Variants in COL18A1 observed in about 807,000 individuals in gnomAD.
COL18A1 encodes collagen alpha-1(XVIII) chain.
Under a neutral mutation model 168.0 loss-of-function variants are expected in COL18A1, and 133 were observed. The observed-to-expected ratio is 0.79, with a 90% CI of 0.69 to 0.91. The LOEUF (loss-of-function observed/expected upper bound fraction) is 0.91. Ranked by LOEUF, COL18A1 falls within the 40% of genes least tolerant of loss-of-function variation. COL18A1 has a pLI of 0.00. For synonymous variants in COL18A1, 949 were observed against 809.0 expected, an observed-to-expected ratio of 1.17 and a Z score of -2.94; for missense variants, 2,126 against 1,925.4, an observed-to-expected ratio of 1.10 and a Z score of -1.95.
chr21:45,493,036 G>A (rs886704507), intron 24 of COL18A1, 127 bp from the exon 25 acceptor site: 12 of 999,226 alleles, frequency 1.2e-5, no homozygotes, highest in East Asian at 2.6e-5. Flanking sequence ...CTGGGGCCGC[G>A]AGGGGCCCTG....
chr21:45,412,054 C>T (rs1392679254), intron 2 of COL18A1, among the ~76,000 whole-genome samples: 3 of 152,136 alleles, frequency 2.0e-5, no homozygotes, highest in South Asian at 4.1e-4. Flanking sequence ...AAGGGGCCGT[C>T]GTGCTTCTCT....
At chr21:45,479,835 C>T (rs2145933657) in intron 9 of COL18A1, 67 bp from the exon 10 acceptor site, 1 of 1,606,262 alleles carries the variant, frequency 6.2e-7, no homozygotes, top group Non-Finnish European at 8.5e-7. Context: ...GGGAGGAGCA[C>T]TGAGAGTGCT....
Position 45,511,131 on chromosome 21 carries a change from C to T in COL18A1, c.3714C>T (p.Ser1238=). The stretch of plus-strand genomic sequence containing the variant: ...TCCAGGACGAGCTGCTGTTTCCCAG[C>T]TGGGAGGCTCTGTTCTCAGGCTCTG... The part of the protein sequence containing the change: ...VNLKDELLFP[S]WEALFSGSEG... Residue 1238 remains serine, a synonymous_variant, in exon 41 of 42, where the codon AGC becomes AGT. Coordinates refer to ENST00000651438, the MANE Select transcript of COL18A1 (RefSeq NM_001379500.1). 1 of 1,586,706 alleles carries T rather than the reference C, an allele frequency of 6.3e-7. No homozygotes were observed. The highest frequency in any genetic ancestry group is 1.1e-5 in the South Asian group (1 of 87,340).
At chr21:45,439,765 C>T (rs1014070867) in intron 2 of COL18A1, among the ~76,000 whole-genome samples, 1 of 152,260 alleles carries the variant, frequency 6.6e-6, no homozygotes, top group African/African-American at 2.4e-5. Flanking sequence ...GCAGCTCGTC[C>T]TGGCGCCAAG....
chr21:45,471,088 T>C lies in COL18A1; in HGVS notation c.651+2302T>C, dbSNP rs2035412382. On this transcript the variant is annotated intron_variant, in intron 3 of 41. Transcript: ENST00000651438. The surrounding 1 kb of genome is among the most constrained non-coding windows in gnomAD (Gnocchi z 4.4). ...GTGCTGCTGGGCCTGGGTGGCGCGC[T>C]ACGGGCCGTGTGCTGCTGGGCCTGG... Among the ~76,000 whole-genome samples the C allele has an allele frequency of 8.0e-6, 1 of 125,514 alleles. No individual in the cohort carries two copies. The highest frequency in any genetic ancestry group is 2.4e-4 in the South Asian group (1 of 4,158). 82.3% of individuals were successfully genotyped at this position (125,514 alleles called of 152,430 possible). A position where few individuals can be genotyped will look rare whatever the true frequency, so the allele number is the denominator to read the frequency against.
Position 45,501,242 on chromosome 21 carries a change from C to T in COL18A1, c.2684-2769C>T, listed in dbSNP as rs372216491. On this transcript the variant is annotated intron_variant, in intron 32 of 41. Coordinates refer to ENST00000651438, the MANE Select transcript of COL18A1 (RefSeq NM_001379500.1). ...CATTTCTATGCATCTAATGAGATAG[C>T]CTCAAGATATGACAAGTGAAAAATT... Among the ~76,000 whole-genome samples the T allele has an allele frequency of 3.9e-5, 6 of 152,068 alleles. No individual in the cohort carries two copies. In the South Asian group the frequency reaches 1.0e-3, roughly 26 times the overall value.
At chr21:45,503,889 G>A (rs751638387) in intron 32 of COL18A1, 122 bp from the exon 33 acceptor site, 77 of 935,944 alleles carry the variant, frequency 8.2e-5, no homozygotes, top group African/African-American at 4.7e-4. Flanking sequence ...TTAAATACGC[G>A]ATCTCTACCG....
Position 45,442,905 on chromosome 21 carries a change from GGTGGTGGT to G in COL18A1, c.107-25335_107-25328del, listed in dbSNP as rs1409568508. Among the ~76,000 whole-genome samples, 541 of 138,340 alleles carry G rather than the reference GGTGGTGGT, an allele frequency of 3.9e-3. 35 individuals carry two copies. Among genetic ancestry groups the G allele is most frequent in the African/African-American group, 0.015 (500 of 33,916 alleles). 90.8% of individuals were successfully genotyped at this position (138,340 alleles called of 152,430 possible). On this transcript the variant is annotated intron_variant, in intron 2 of 41. Coordinates refer to ENST00000651438, the MANE Select transcript of COL18A1 (RefSeq NM_001379500.1). Reference sequence around the variant, plus strand: ...TGGTGTGGGCAGCGGTGCTGATGTGGGTGGTGGTGCTGGTGTGGGCGGTGGTGGTGCTG... The same window carrying G: ...TGGTGTGGGCAGCGGTGCTGATGTGGGCTGGTGTGGGCGGTGGTGGTGCTG...
intron 2 of COL18A1, among the ~76,000 whole-genome samples, chr21:45,410,987 G>C (rs1303783572): frequency 1.3e-5 from 2 of 152,262 alleles, no homozygotes; most frequent in Non-Finnish European, 2.9e-5. Flanking sequence ...AACCGAGAGA[G>C]ACCTTCCTTC....
chr21:45,415,920 G>T (rs1367670356), intron 2 of COL18A1, among the ~76,000 whole-genome samples: 1 of 152,222 alleles, frequency 6.6e-6, no homozygotes, highest in Non-Finnish European at 1.5e-5. Context: ...CGGGGGCCGG[G>T]AGAGTGTGGG....
chr21:45,501,930 C>T (rs11702359), intron 32 of COL18A1, among the ~76,000 whole-genome samples: 28 of 102,840 alleles, frequency 2.7e-4, no homozygotes, highest in African/African-American at 6.6e-4. Context: ...CGGTCACCTC[C>T]CTCTGCAGAA....
At chr21:45,495,599 T>TCC in intron 29 of COL18A1, 167 bp downstream of exon 29, 3 of 520,576 alleles carry the variant, frequency 5.8e-6, no homozygotes, top group Non-Finnish European at 1.0e-5. Flanking sequence ...GTCATACATG[T>TCC]CCACACACGC....
rs1244707953 is a variant in COL18A1 at position 45,496,502 on chromosome 21, A to G, written c.2511A>G (p.Gly837=). 1.4e-6 allele frequency: 2 copies of G among 1,407,524 alleles called. No homozygotes were observed. Among genetic ancestry groups the G allele is most frequent in the East Asian group, 2.3e-5 (1 of 44,026 alleles). The allele number at this position is 1,407,524 out of a possible 1,614,324, so 87.2% of individuals were successfully genotyped here. A position where few individuals can be genotyped will look rare whatever the true frequency, so the allele number is the denominator to read the frequency against. Reference sequence around the variant, plus strand: ...ACAGCTCTCTGCCCTCCCCACAGGGAATGCCCGGCCCCCCAGGACCTCCAG... The same window carrying G: ...ACAGCTCTCTGCCCTCCCCACAGGGGATGCCCGGCCCCCCAGGACCTCCAG... ...GDASLGFGMR[G]MPGPPGPPGP... Residue 837 remains glycine, a splice_region_variant and synonymous_variant, in exon 30 of 42, where the codon GGA becomes GGG. Coordinates refer to ENST00000651438, the MANE Select transcript of COL18A1 (RefSeq NM_001379500.1).
chr21:45,457,799 G>A lies in COL18A1; in HGVS notation c.107-10443G>A, dbSNP rs1214985166. ...AGTGCCGAGGGGAAGCAGCCTTGCT[G>A]TTTGCTCTTTGGGCTTTGGGACAGG... On this transcript the variant is annotated intron_variant, in intron 2 of 41. Coordinates refer to ENST00000651438, the MANE Select transcript of COL18A1 (RefSeq NM_001379500.1). This position sits in a 1 kb window ranked among gnomAD's most constrained non-coding sequence, Gnocchi z 4.6. Among the ~76,000 whole-genome samples, 1 of 152,196 alleles carries A rather than the reference G, an allele frequency of 6.6e-6. No individual in the cohort carries two copies. Among genetic ancestry groups the A allele is most frequent in the Non-Finnish European group, 1.5e-5 (1 of 68,036 alleles).
intron 33 of COL18A1, 37 bp from the exon 34 acceptor site, chr21:45,504,379 T>C (rs749040191): frequency 1.5e-5 from 24 of 1,588,428 alleles, no homozygotes; most frequent in Non-Finnish European, 2.0e-5. Context: ...CTTGTAGGGG[T>C]TCAGGGCTCC....
chr21:45,480,342 G>T (rs1285849365), intron 11 of COL18A1, 125 bp from the exon 12 acceptor site: 3 of 1,558,264 alleles, frequency 1.9e-6, no homozygotes, highest in Non-Finnish European at 2.6e-6. Context: ...GGGCAGCAGA[G>T]GGGCCGTGGT....
intron 2 of COL18A1, among the ~76,000 whole-genome samples, chr21:45,421,894 C>T (rs1194676069): frequency 6.6e-6 from 1 of 152,182 alleles, no homozygotes; most frequent in African/African-American, 2.4e-5. Flanking sequence ...TGACTGTGAC[C>T]TGTGTCATAT....
intron 2 of COL18A1, among the ~76,000 whole-genome samples, chr21:45,449,231 G>A (rs771956179): frequency 3.9e-5 from 6 of 152,210 alleles, no homozygotes; most frequent in Admixed American, 6.5e-5. Flanking sequence ...CCCGAGGGGA[G>A]GGCCTGGCTC....
Position 45,505,188 on chromosome 21 carries a change from C to A in COL18A1, c.2923C>A (p.Pro975Thr), listed in dbSNP as rs779499435. The A allele has an allele frequency of 1.6e-5, 25 of 1,602,540 alleles. No homozygotes were observed. Among genetic ancestry groups the A allele is most frequent in the South Asian group, 1.1e-5 (1 of 89,944 alleles). The stretch of plus-strand genomic sequence containing the variant: ...GCCCGGCCCACCTGGACCTCAGGGA[C>A]CCCCCGGCATCGGCTACGAGGGGCG... ...GQPGPPGPQG[P>T]PGIGYEGRQG... The change falls in exon 35 of 42, where the codon CCC becomes ACC. Residue 975 changes from proline to threonine, a missense_variant. Pro to Thr is a conservative substitution (Grantham distance 38, BLOSUM62 -1). Transcript: ENST00000651438.
Sources: allele counts gnomAD v4.1 joint callset (sites outside exome capture counted in the v4.1 genomes callset), GRCh38; gene constraint gnomAD v4.1.1; non-coding constraint Gnocchi (gnomAD v3.1); transcripts MANE v1.5; gene names NCBI Gene and HGNC (gene_info 2026-07-23, HGNC 2026-07-21).